Variants in NODAL observed in about 807,000 individuals in gnomAD.
NODAL encodes nodal growth differentiation factor, also known as nodal homolog.
Under a neutral mutation model 34.0 loss-of-function variants are expected in NODAL, and 12 were observed. The observed-to-expected ratio is 0.35, with a 90% CI of 0.23 to 0.57. The LOEUF is 0.57. NODAL is among the 20% of genes least tolerant of loss of function. The pLI is 0.83. For synonymous variants in NODAL, 162 were observed against 186.4 expected (o/e 0.87, Z 1.07); for missense variants, 390 against 444.2 (o/e 0.88, Z 1.10).
intron 1 of NODAL, chr10:70,447,827 C>G (rs569213779): frequency 6.6e-5 from 31 of 468,194 alleles, no homozygotes; most frequent in Non-Finnish European, 1.3e-4. Flanking sequence ...GCCCCAGCCC[C>G]TGGTTTATAA....
intron 2 of NODAL, 152 bp from the exon 3 acceptor site, chr10:70,433,240 C>T: frequency 1.2e-6 from 1 of 841,320 alleles, no homozygotes; most frequent in Non-Finnish European, 2.0e-6. Context: ...ATTAGCTTGC[C>T]AATATATCAT....
rs745724942 is a variant in NODAL, at chr10:70,435,505, C to G, written c.672G>C (p.Glu224Asp). Reference protein sequence around the residue: ...WEAESSWRAQEGQLSWEWGKR... With the variant: ...WEAESSWRAQDGQLSWEWGKR... ...TGCCCCACTCCCAGGACAGCTGTCC[C>G]TCCTGGGCCCGCCAGGAGCTCTCGG... Residue 224 changes from glutamate to aspartate, a missense_variant, in exon 2 of 3, where the codon GAG (glutamate) becomes GAC (aspartate). Glu to Asp is a conservative substitution (Grantham distance 45). Coordinates refer to ENST00000287139, the MANE Select transcript of NODAL (RefSeq NM_018055.5). 1 of 1,614,138 alleles carries G rather than the reference C, an allele frequency of 6.2e-7. No homozygotes were observed. Among genetic ancestry groups the G allele is most frequent in the Non-Finnish European group, 8.5e-7 (1 of 1,180,034 alleles).
chr10:70,441,134 A>G (rs2132220118), intron 1 of NODAL, among the ~76,000 whole-genome samples: 1 of 152,364 alleles, frequency 6.6e-6, no homozygotes, highest in Non-Finnish European at 1.5e-5. Flanking sequence ...AAGCAACTTC[A>G]CAAGACTGGA....
intron 1 of NODAL, among the ~76,000 whole-genome samples, chr10:70,437,914 A>C (rs545873338): frequency 6.6e-6 from 1 of 152,262 alleles, no homozygotes; most frequent in South Asian, 2.1e-4. Context: ...AGCTTTCCCC[A>C]GAAGTGTGGG....
chr10:70,434,800 AT>A (rs1181991314), intron 2 of NODAL: 1 of 172,914 alleles, frequency 5.8e-6, no homozygotes, highest in Non-Finnish European at 1.3e-5. Context: ...TGCCATGTGC[AT>A]GTCATCTCAT....
intron 1 of NODAL, among the ~76,000 whole-genome samples, chr10:70,437,993 A>T (rs1450249506): frequency 6.6e-6 from 1 of 152,082 alleles, no homozygotes; most frequent in Non-Finnish European, 1.5e-5. Flanking sequence ...GGTGAGTTTA[A>T]AAACACTTTA....
In NODAL at chr10:70,435,190, T is replaced by C. The variant is rs961738400; in HGVS notation, c.891+96A>G. On this transcript the variant is annotated intron_variant, in intron 2 of 2. Coordinates refer to ENST00000287139, the MANE Select transcript of NODAL (RefSeq NM_018055.5). ...TACATTGGAGGTGCTTGAGTAACTG[T>C]GAATACAGGAACATAGTCATTTAAT... The C allele has an allele frequency of 6.3e-6, 7 of 1,109,904 alleles. No individual in the cohort carries two copies. The Admixed American group carries it at 8.1e-5, about 13-fold the overall frequency. The allele number at this position is 1,109,904 out of a possible 1,614,324, so 68.8% of individuals were successfully genotyped here.
Position 70,435,894 on chromosome 10 carries a change from G to C in NODAL, c.283C>G (p.Leu95Val). ...AGGTCCACAGGGCTGGACAGCTGCA[G>C]CCGGAGCTCAGCCCATGCCAGATCC... is the stretch of plus-strand genomic sequence containing the variant. ...QEDLAWAELR[L>V]QLSSPVDLPT... The change falls in exon 2 of 3, where the codon CTG (leucine) becomes GTG (valine). Residue 95 changes from leucine (L) to valine (V), a missense_variant. By Grantham distance (32) the Leu-to-Val change is conservative. Transcript: ENST00000287139. 1 of 1,614,172 alleles carries C rather than the reference G, an allele frequency of 6.2e-7. No homozygotes were observed. The highest frequency in any genetic ancestry group is 8.5e-7 in the Non-Finnish European group (1 of 1,180,042).
chr10:70,438,382 G>A (rs1433656539), intron 1 of NODAL, among the ~76,000 whole-genome samples: 1 of 152,202 alleles, frequency 6.6e-6, no homozygotes, highest in East Asian at 1.9e-4. Flanking sequence ...GTCTCCCCAT[G>A]ATGGCTCAAA....
At position 70,432,917 on chromosome 10, in the gene NODAL, G is replaced by C; in HGVS notation, c.*19C>G. On this transcript the variant is annotated 3_prime_UTR_variant, in exon 3 of 3. Transcript: ENST00000287139. ...GCCTTCCAGAGTGCAGGCAAATCCA[G>C]TCTCCCTCCAGGATGTCATCAGAGG... 1 of 1,613,896 alleles carries C rather than the reference G, an allele frequency of 6.2e-7. No homozygotes were observed. Among genetic ancestry groups the C allele is most frequent in the Non-Finnish European group, 8.5e-7 (1 of 1,179,804 alleles).
intron 2 of NODAL, 85 bp from the exon 3 acceptor site, chr10:70,433,173 C>T (rs1038147399): frequency 9.1e-6 from 14 of 1,541,768 alleles, no homozygotes; most frequent in Middle Eastern, 1.7e-4. Flanking sequence ...AAAAAAGTTA[C>T]GGAGTTAAAG....
At chr10:70,447,075 C>CTTTTT (rs752664373) in intron 1 of NODAL, among the ~76,000 whole-genome samples, 2 of 134,722 alleles carry the variant, frequency 1.5e-5, no homozygotes, top group African/African-American at 2.8e-5. Context: ...TCTTCTTCTT[C>CTTTTT]TTTTTTTTTT....
chr10:70,444,786 C>T (rs1311036751), upstream of NODAL, among the ~76,000 whole-genome samples: 1 of 152,192 alleles, frequency 6.6e-6, no homozygotes, highest in Non-Finnish European at 1.5e-5. Context: ...AAATGCTTTA[C>T]AAGCTCTAAA....
chr10:70,433,017 C>T lies in NODAL; in HGVS notation c.963G>A (p.Leu321=), dbSNP rs772060498. The change falls in exon 3 of 3, where the codon CTG becomes CTA. Residue 321 remains leucine, a synonymous_variant. Coordinates refer to ENST00000287139, the MANE Select transcript of NODAL (RefSeq NM_018055.5). ...TGCCATTATCCACATACAGCATGCT[C>T]AGCGGCTTGGTCTTCACTGGGGCAC... ...TCCAPVKTKP[L]SMLYVDNGRV... The T allele has an allele frequency of 7.4e-6, 12 of 1,613,956 alleles. No individual in the cohort carries two copies. In the East Asian group the frequency reaches 2.7e-4, roughly 36 times the overall value.
chr10:70,444,933 C>T (rs996971967), upstream of NODAL, among the ~76,000 whole-genome samples: 2 of 152,184 alleles, frequency 1.3e-5, no homozygotes, highest in African/African-American at 4.8e-5. Flanking sequence ...AAGGCACCCT[C>T]ATCCAGGTCA....
rs1042240214 is a variant in NODAL, at chr10:70,432,628, A to T, written c.*308T>A. 4 of 415,312 alleles carry T rather than the reference A, an allele frequency of 9.6e-6. No individual in the cohort carries two copies. The highest frequency in any genetic ancestry group is 6.1e-5 in the African/African-American group (3 of 49,308). 25.7% of individuals were successfully genotyped at this position (415,312 alleles called of 1,614,324 possible). ...AGTTTCGGGGGGTTCACAGGTTTTT[A>T]AAAAATCCAGTAAAGAACTCATGCA... On this transcript the variant is annotated 3_prime_UTR_variant, in exon 3 of 3. Transcript: ENST00000287139.
At chr10:70,444,027 G>A (rs1015260387), upstream of NODAL, among the ~76,000 whole-genome samples, 6 of 148,898 alleles carry the variant, frequency 4.0e-5, no homozygotes, top group East Asian at 2.1e-4. Flanking sequence ...CTGCCTCCCC[G>A]GTTCAAGCAA....
At position 70,435,705 on chromosome 10, in the gene NODAL, G is replaced by A. The variant is rs1257541157; in HGVS notation, c.472C>T (p.Pro158Ser). Residue 158 changes from proline to serine, a missense_variant, in exon 2 of 3, where the codon CCT becomes TCT. Physicochemically the swap from Pro to Ser is moderately conservative, Grantham distance 74. Coordinates refer to ENST00000287139, the MANE Select transcript of NODAL (RefSeq NM_018055.5). The stretch of plus-strand genomic sequence containing the variant: ...GGGTGCTTCAGCCACTTGGAGAGAG[G>A]CCTGGTCACCTCCAAAACCATGCTG... ...LGSMVLEVTR[P>S]LSKWLKHPGA... The A allele has an allele frequency of 6.2e-7, 1 of 1,614,204 alleles. No homozygotes were observed. Among genetic ancestry groups the A allele is most frequent in the East Asian group, 2.2e-5 (1 of 44,886 alleles).
In NODAL at chr10:70,441,472, T is replaced by C; in HGVS notation, c.193+3A>G. The C allele has an allele frequency of 6.3e-7, 1 of 1,575,900 alleles. No homozygotes were observed. Among genetic ancestry groups the C allele is most frequent in the Non-Finnish European group, 8.6e-7 (1 of 1,163,320 alleles). ...GCAGGGCGCGGCACGCGGCACTGCC[T>C]ACCTTCTGCCTGTAGGCTGCGGATG... is the stretch of plus-strand genomic sequence containing the variant. On this transcript the variant is annotated splice_donor_region_variant and intron_variant, in intron 1 of 2. Transcript: ENST00000287139.
Sources: gnomAD v4.1 joint callset for allele counts (sites outside exome capture counted in the v4.1 genomes callset) on GRCh38, gnomAD v4.1.1 for gene constraint, MANE v1.5 for transcripts, NCBI Gene and HGNC (gene_info 2026-07-23, HGNC 2026-07-21) for gene names.